BRDT: variants seen among roughly 807,000 people sequenced by gnomAD.
BRDT encodes the protein bromodomain testis associated, also known as bromodomain testis-specific protein.
Under a neutral mutation model 113.9 loss-of-function variants are expected in BRDT, and 77 were observed. The observed-to-expected ratio is 0.68, with a 90% CI of 0.56 to 0.82. The LOEUF is 0.82. BRDT is among the 40% of genes least tolerant of loss of function. The probability of loss-of-function intolerance (pLI) is 0.00; values close to 1 mark genes in which losing one functional copy is unlikely to be tolerated. For missense variants in BRDT, 1,027 were observed against 1,105.4 expected (o/e 0.93, Z 1.01); for synonymous variants, 358 against 366.5 (o/e 0.98, Z 0.26).
intron 18 of BRDT, among the ~76,000 whole-genome samples, chr1:92,011,897 C>T (rs1290489509): frequency 2.0e-5 from 3 of 152,152 alleles, no homozygotes; most frequent in African/African-American, 2.4e-5. Context: ...TTACCTCATG[C>T]CAGTTACCTT....
Position 91,978,182 on chromosome 1 carries a change from C to G in BRDT, c.984C>G (p.Asn328Lys). 1 of 1,612,266 alleles carries G rather than the reference C, an allele frequency of 6.2e-7. No homozygotes were observed. Among genetic ancestry groups the G allele is most frequent in the Non-Finnish European group, 8.5e-7 (1 of 1,178,860 alleles). ...CTTTAATTTAGGAGAAAATGGATAA[C>G]CAAGAATATAAGGATGCATACAAAT... ...DLGTIKEKMD[N>K]QEYKDAYKFA... The change falls in exon 7 of 19, where the codon AAC becomes AAG. Residue 328 changes from asparagine (N) to lysine (K), a missense_variant. Coordinates refer to ENST00000399546, the MANE Select transcript of BRDT (RefSeq NM_207189.4).
rs746705309 is a variant in BRDT at position 91,962,782 on chromosome 1, A to G, written c.28A>G (p.Ile10Val). 13 of 1,601,756 alleles carry G rather than the reference A, an allele frequency of 8.1e-6. No homozygotes were observed. The highest frequency in any genetic ancestry group is 4.0e-5 in the African/African-American group (3 of 74,156). The change falls in exon 2 of 19, where the codon ATT (isoleucine) becomes GTT (valine). Residue 10 changes from isoleucine to valine, a missense_variant. Ile to Val is a conservative substitution (Grantham distance 29). Transcript: ENST00000399546. MSLPSRQTA[I>V]IVNPPPPEYI... Reference sequence around the variant, plus strand: ...GTCTCTGCCAAGTCGACAAACAGCTATTATTGTTAACCCTCCTCCACCAGA... The same window carrying G: ...GTCTCTGCCAAGTCGACAAACAGCTGTTATTGTTAACCCTCCTCCACCAGA...
intron 1 of BRDT, among the ~76,000 whole-genome samples, chr1:91,958,516 G>GAT (rs1282466405): frequency 2.0e-5 from 3 of 152,090 alleles, no homozygotes; most frequent in Non-Finnish European, 4.4e-5. Flanking sequence ...ACGCCCAGCC[G>GAT]ATAGCTCATT....
chr1:91,989,563 G>A lies in BRDT; in HGVS notation c.2003-1621G>A, dbSNP rs1685582647. ...TTTACTAGAGATGGGGTTTCAACTT[G>A]TTGGCCAGGCTGGTCTTGAACTCCT... On this transcript the variant is annotated intron_variant, in intron 12 of 18. Transcript: ENST00000399546. Among the ~76,000 whole-genome samples the A allele has an allele frequency of 2.0e-5, 3 of 151,922 alleles. No individual in the cohort carries two copies. The South Asian group carries it at 6.2e-4, about 32-fold the overall frequency.
At chr1:91,982,761 G>A (rs905567408) in intron 12 of BRDT, among the ~76,000 whole-genome samples, 2 of 151,884 alleles carry the variant, frequency 1.3e-5, no homozygotes, top group Admixed American at 6.5e-5. Flanking sequence ...AAAGTATGTA[G>A]TGATAAACAT....
At chr1:91,952,181 T>C (rs1322459379) in intron 1 of BRDT, 1 of 152,204 alleles carries the variant, frequency 6.6e-6, no homozygotes, top group Admixed American at 6.5e-5. Context: ...TTAAGAATCA[T>C]AATAGTTCAG....
At chr1:91,996,682 A>G (rs1318289662) in intron 15 of BRDT, among the ~76,000 whole-genome samples, 6 of 152,210 alleles carry the variant, frequency 3.9e-5, no homozygotes, top group Non-Finnish European at 8.8e-5. Flanking sequence ...ACCAAAACTA[A>G]CACAGCAACT....
intron 4 of BRDT, among the ~76,000 whole-genome samples, chr1:91,973,063 G>A (rs1570499748): frequency 6.6e-6 from 1 of 152,154 alleles, no homozygotes. Flanking sequence ...GTAAATGCCT[G>A]AAGGAAATGT....
chr1:91,995,403 C>CTCTG (rs1686204779), intron 15 of BRDT, among the ~76,000 whole-genome samples: 1 of 146,760 alleles, frequency 6.8e-6, no homozygotes, highest in Non-Finnish European at 1.5e-5. Flanking sequence ...CCCTACTATT[C>CTCTG]TGTGTGTGTG....
At chr1:91,961,585 C>T (rs1305136835) in intron 1 of BRDT, among the ~76,000 whole-genome samples, 1 of 151,094 alleles carries the variant, frequency 6.6e-6, no homozygotes, top group Non-Finnish European at 1.5e-5. Flanking sequence ...GCCGAGATCG[C>T]GCCATTGCAC....
rs1226139057 is a variant in BRDT, at chr1:91,987,632, C to T, written c.2003-3552C>T. 3.3e-5 allele frequency among the ~76,000 whole-genome samples: 5 copies of T among 151,988 alleles called. No individual in the cohort carries two copies. The South Asian group carries it at 1.0e-3, about 32-fold the overall frequency. Reference sequence around the variant, plus strand: ...AAGTGCTGGGATTACAGGCGTGAGCCACTGCGCCCGGCCTTGTTTTTGTTT... The same window carrying T: ...AAGTGCTGGGATTACAGGCGTGAGCTACTGCGCCCGGCCTTGTTTTTGTTT... On this transcript the variant is annotated intron_variant, in intron 12 of 18. Transcript: ENST00000399546.
intron 4 of BRDT, among the ~76,000 whole-genome samples, chr1:91,973,462 C>T (rs1306245209): frequency 1.3e-5 from 2 of 152,054 alleles, no homozygotes; most frequent in African/African-American, 4.8e-5. Flanking sequence ...TTTCGTTGAG[C>T]AGTGGTTTGT....
chr1:92,013,082 G>A (rs1306268277), intron 18 of BRDT, among the ~76,000 whole-genome samples: 1 of 151,496 alleles, frequency 6.6e-6, no homozygotes, highest in Non-Finnish European at 1.5e-5. Context: ...CCTGGGCATG[G>A]CGGTGCACAT....
rs549068065 is a variant in BRDT, at chr1:91,977,119, C to T, written c.695C>T (p.Ser232Phe). 249 of 1,613,732 alleles carry T rather than the reference C, an allele frequency of 1.5e-4. 3 individuals carry two copies. The South Asian group carries it at 2.4e-3, about 16-fold the overall frequency. ...GCAGTTAAAGCAAGTAGTGAATTTT[C>T]TCCAACATTCACAGAAAAATCAGTG... ...TSAVKASSEF[S>F]PTFTEKSVAL... Residue 232 changes from serine to phenylalanine, a missense_variant, in exon 6 of 19, where the codon TCT becomes TTT. Physicochemically the swap from Ser to Phe is radical, Grantham distance 155 (BLOSUM62 -2). Transcript: ENST00000399546.
intron 12 of BRDT, among the ~76,000 whole-genome samples, chr1:91,987,438 A>G (rs920104125): frequency 1.3e-5 from 2 of 151,906 alleles, no homozygotes; most frequent in Non-Finnish European, 1.5e-5. Flanking sequence ...GGTTCAAGCA[A>G]TTCTCCTGCC....
Position 91,977,371 on chromosome 1 carries a change from C to T in BRDT, c.947C>T (p.Pro316Leu), listed in dbSNP as rs772128641. 3.1e-6 allele frequency: 5 copies of T among 1,589,670 alleles called. No individual in the cohort carries two copies. The highest frequency in any genetic ancestry group is 4.5e-5 in the East Asian group (2 of 44,474). ...LHNYYDVVKNPMDLGTIKEKM... is the reference protein window; with the variant it reads ...LHNYYDVVKNLMDLGTIKEKM... ...AACTACTATGACGTTGTCAAAAATC[C>T]GATGGATCTTGGAACTATTAAGGTA... Residue 316 changes from proline to leucine, a missense_variant, in exon 6 of 19, where the codon CCG (proline) becomes CTG (leucine). Pro to Leu is a moderately conservative substitution (Grantham distance 98). Transcript: ENST00000399546.
intron 2 of BRDT, among the ~76,000 whole-genome samples, chr1:91,963,519 T>A (rs1200244565): frequency 1.2e-4 from 19 of 152,202 alleles, no homozygotes; most frequent in Non-Finnish European, 1.5e-5. Flanking sequence ...TATCCTGAAT[T>A]TTACCTTTTC....
Position 91,976,255 on chromosome 1 carries a change from T to C in BRDT, c.446-11T>C. 1 of 1,577,906 alleles carries C rather than the reference T, an allele frequency of 6.3e-7. No homozygotes were observed. Among genetic ancestry groups the C allele is most frequent in the Non-Finnish European group, 8.6e-7 (1 of 1,166,556 alleles). On this transcript the variant is annotated splice_polypyrimidine_tract_variant and intron_variant, in intron 4 of 18. Transcript: ENST00000399546. ...CATTCATATATTTGATTCTGGCTCA[T>C]ACTTTTCCAGGCACTCAACAGAATA...
chr1:91,970,353 A>G (rs1327335862), intron 4 of BRDT, among the ~76,000 whole-genome samples: 1 of 152,108 alleles, frequency 6.6e-6, no homozygotes, highest in East Asian at 1.9e-4. Context: ...TGCAGCCTCA[A>G]GCTCCTGGGC....
Sources: gnomAD v4.1 joint callset for allele counts (sites outside exome capture counted in the v4.1 genomes callset) on GRCh38, gnomAD v4.1.1 for gene constraint, MANE v1.5 for transcripts, NCBI Gene and HGNC (gene_info 2026-07-23, HGNC 2026-07-21) for gene names.